PHF24: variants seen among roughly 807,000 people sequenced by gnomAD.
PHF24 encodes PHD finger protein 24, also known as Galpha inhibitory interacting protein.
In PHF24, 25 loss-of-function variants were observed where a neutral mutation model predicts 42.6. That is an observed-to-expected ratio of 0.59 (90% CI 0.43 to 0.82). The LOEUF (loss-of-function observed/expected upper bound fraction) is 0.82. Ranked by LOEUF, PHF24 falls within the 40% of genes least tolerant of loss-of-function variation. The pLI is 0.00. For synonymous variants in PHF24, 185 were observed against 204.8 expected (o/e 0.90, Z 0.83); for missense variants, 470 against 538.1 (o/e 0.87, Z 1.25).
At chr9:34,857,971 G>GTTTTT in the PHF24 span, among the ~76,000 whole-genome samples, 1 of 109,806 alleles carries the variant, frequency 9.1e-6, no homozygotes, top group Non-Finnish European at 1.8e-5. Context: ...TTGTTTCTCT[G>GTTTTT]GTTTTTTTTT....
intron 3 of PHF24, among the ~76,000 whole-genome samples, chr9:34,974,738 C>T (rs1238106168): frequency 6.6e-6 from 1 of 152,128 alleles, no homozygotes; most frequent in East Asian, 1.9e-4. Flanking sequence ...ACCTAAATTT[C>T]CTGTCTCTTG....
At chr9:34,808,425 G>A in the PHF24 span, among the ~76,000 whole-genome samples, 1 of 152,044 alleles carries the variant, frequency 6.6e-6, no homozygotes, top group Non-Finnish European at 1.5e-5. Context: ...TCACACCACT[G>A]TACTCCAGCC....
chr9:34,729,462 C>T, the PHF24 span: 2 of 1,527,410 alleles, frequency 1.3e-6, no homozygotes, highest in Non-Finnish European at 8.8e-7. Context: ...TCAACCATCC[C>T]TCTATCTCGG....
chr9:34,853,827 CA>C, the PHF24 span, among the ~76,000 whole-genome samples: 17,599 of 74,790 alleles, frequency 0.24, 1,241 homozygotes, highest in Non-Finnish European at 0.32. Flanking sequence ...GACTCCGTCT[CA>C]AAAAAAAAAA....
chr9:34,942,273 G>A, the PHF24 span, among the ~76,000 whole-genome samples: 5 of 152,308 alleles, frequency 3.3e-5, no homozygotes, highest in Admixed American at 3.3e-4. Flanking sequence ...GTTCCTAGGT[G>A]TAGAATGTGT....
chr9:34,729,660 C>G, the PHF24 span, among the ~76,000 whole-genome samples: 1 of 152,172 alleles, frequency 6.6e-6, no homozygotes, highest in Non-Finnish European at 1.5e-5. Flanking sequence ...ACTGAAGGTG[C>G]CACAAGCAGT....
chr9:34,774,570 G>C, the PHF24 span, among the ~76,000 whole-genome samples: 1 of 152,130 alleles, frequency 6.6e-6, no homozygotes, highest in African/African-American at 2.4e-5. Context: ...TCAGGAGTTG[G>C]AGACCAGCCT....
chr9:34,718,947 C>A, the PHF24 span, among the ~76,000 whole-genome samples: 201 of 152,350 alleles, frequency 1.3e-3, 1 homozygote, highest in Non-Finnish European at 2.4e-3. Flanking sequence ...CATGATGTTA[C>A]CTGAGTGTGC....
chr9:34,974,223 C>T (rs1477928349), intron 3 of PHF24, among the ~76,000 whole-genome samples: 1 of 152,176 alleles, frequency 6.6e-6, no homozygotes, highest in African/African-American at 2.4e-5. Context: ...TTTCAACCAC[C>T]TATCATATAA....
chr9:34,707,221 TTA>T, the PHF24 span, among the ~76,000 whole-genome samples: 1 of 152,198 alleles, frequency 6.6e-6, no homozygotes, highest in East Asian at 1.9e-4. Flanking sequence ...ATCTGAATTC[TTA>T]TGTCTCAAAT....
chr9:34,693,839 C>T, the PHF24 span, among the ~76,000 whole-genome samples: 1 of 152,104 alleles, frequency 6.6e-6, no homozygotes, highest in Non-Finnish European at 1.5e-5. Context: ...ACTTTTTGTC[C>T]TTTTGTTTCA....
chr9:34,784,068 C>A, the PHF24 span, among the ~76,000 whole-genome samples: 2 of 152,186 alleles, frequency 1.3e-5, no homozygotes, highest in African/African-American at 2.4e-5. Context: ...GTGCTCGAGT[C>A]AGTGCCAGAG....
the PHF24 span, among the ~76,000 whole-genome samples, chr9:34,800,106 A>T: frequency 6.6e-6 from 1 of 152,144 alleles, no homozygotes; most frequent in Non-Finnish European, 1.5e-5. Flanking sequence ...CCAGTAACAC[A>T]ATTACACTTG....
the PHF24 span, among the ~76,000 whole-genome samples, chr9:34,939,551 T>TC: frequency 6.6e-6 from 1 of 152,130 alleles, no homozygotes; most frequent in African/African-American, 2.4e-5. Flanking sequence ...GAGTTGTCTG[T>TC]CAGAGGAGTC....
At chr9:34,895,816 A>G in the PHF24 span, 1 of 397,846 alleles carries the variant, frequency 2.5e-6, no homozygotes, top group Non-Finnish European at 4.4e-6. Flanking sequence ...TCTGCCTCAC[A>G]GAAGAGGGAT....
chr9:34,860,947 G>C, the PHF24 span, among the ~76,000 whole-genome samples: 1 of 152,130 alleles, frequency 6.6e-6, no homozygotes, highest in East Asian at 1.9e-4. Context: ...ATTTCTGCCT[G>C]GGGGCATCTT....
chr9:34,886,783 CTCTG>C, the PHF24 span, among the ~76,000 whole-genome samples: 56 of 72,852 alleles, frequency 7.7e-4, no homozygotes, highest in Admixed American at 2.6e-3. Context: ...TGTCTGTCTA[CTCTG>C]TCTATCTACT....
chr9:34,858,320 G>C, the PHF24 span, among the ~76,000 whole-genome samples: 1 of 152,192 alleles, frequency 6.6e-6, no homozygotes, highest in Non-Finnish European at 1.5e-5. Flanking sequence ...ATTCTGGGTA[G>C]GCTACATGGC....
At chr9:34,794,567 G>A in the PHF24 span, among the ~76,000 whole-genome samples, 1 of 152,158 alleles carries the variant, frequency 6.6e-6, no homozygotes, top group African/African-American at 2.4e-5. Flanking sequence ...GTTCCAACAA[G>A]TAAGGGTGAA....
Sources: gnomAD v4.1 joint callset for allele counts (sites outside exome capture counted in the v4.1 genomes callset) on GRCh38, gnomAD v4.1.1 for gene constraint, MANE v1.5 for transcripts, NCBI Gene and HGNC (gene_info 2026-07-23, HGNC 2026-07-21) for gene names.